EPRS1: variants seen among roughly 807,000 people sequenced by gnomAD.
EPRS1 encodes the protein bifunctional glutamate/proline--tRNA ligase.
Under a neutral mutation model 188.3 loss-of-function variants are expected in EPRS1, and 107 were observed. That is an observed-to-expected ratio of 0.57 (90% CI 0.49 to 0.67). The LOEUF (loss-of-function observed/expected upper bound fraction) is 0.67, where lower values mean the gene tolerates loss of function less well. EPRS1 is among the 30% of genes least tolerant of loss of function. EPRS1 has a pLI of 0.00. For synonymous variants in EPRS1, 596 were observed against 593.1 expected (o/e 1.00, Z -0.07); for missense variants, 1,577 against 1,802.2 (o/e 0.88, Z 2.26).
chr1:220,008,132 A>G (rs903863253), intron 13 of EPRS1, among the ~76,000 whole-genome samples: 1 of 126,078 alleles, frequency 7.9e-6, no homozygotes, highest in Non-Finnish European at 1.7e-5. Context: ...AAAAAAAAAA[A>G]AAAGATAAAA....
Position 219,984,348 on chromosome 1 carries a change from A to G in EPRS1, c.3039-91T>C, listed in dbSNP as rs188735552. 4.6e-6 allele frequency: 4 copies of G among 862,326 alleles called. No homozygotes were observed. The East Asian group carries it at 9.7e-5, about 21-fold the overall frequency. 53.4% of individuals were successfully genotyped at this position (862,326 alleles called of 1,614,324 possible). On this transcript the variant is annotated intron_variant, in intron 20 of 31. Coordinates refer to ENST00000366923, the MANE Select transcript of EPRS1 (RefSeq NM_004446.3). ...AAACCTCTAAAGTTCAAAATAGATT[A>G]GTCTTTCTTCAGTATGAGTTATTTC...
At chr1:220,010,217 C>G (rs548021847) in intron 13 of EPRS1, among the ~76,000 whole-genome samples, 6 of 151,852 alleles carry the variant, frequency 4.0e-5, no homozygotes, top group African/African-American at 1.4e-4. Context: ...AGTAGTAGGT[C>G]TAATGTTTTG....
intron 1 of EPRS1, among the ~76,000 whole-genome samples, chr1:220,040,845 C>T (rs1250747820): frequency 7.7e-5 from 9 of 116,818 alleles, no homozygotes; most frequent in Non-Finnish European, 1.7e-4. Flanking sequence ...AGCAAAACTG[C>T]GTCTTAAAAA....
Position 219,970,346 on chromosome 1 carries a change from T to C in EPRS1, c.4324-1224A>G, listed in dbSNP as rs777023452. Among the ~76,000 whole-genome samples, 9 of 152,176 alleles carry C rather than the reference T, an allele frequency of 5.9e-5. 1 individual carries two copies. Among genetic ancestry groups the C allele is most frequent in the Non-Finnish European group, 1.0e-4 (7 of 68,038 alleles). ...ATGAAGGTGGAGACCCAAGAGACAT[T>C]GGCAGTAACAGCAACATGCTTCCAG... On this transcript the variant is annotated intron_variant, in intron 30 of 31. Coordinates refer to ENST00000366923, the MANE Select transcript of EPRS1 (RefSeq NM_004446.3).
rs778389104 is a variant in EPRS1 at position 220,046,388 on chromosome 1, TCTCCACCAGTCCG to T, written c.-13_-1del. ...TTCACGGTCAGAGAGAGCGTCGCCA[TCTCCACCAGTCCG>T]CTGGTCCACCTGTCAGTACGCCTGG... On this transcript the variant is annotated 5_prime_UTR_variant, in exon 1 of 32. Coordinates refer to ENST00000366923, the MANE Select transcript of EPRS1 (RefSeq NM_004446.3). 60 of 1,613,820 alleles carry T rather than the reference TCTCCACCAGTCCG, an allele frequency of 3.7e-5. No individual in the cohort carries two copies. The highest frequency in any genetic ancestry group is 4.9e-5 in the Non-Finnish European group (58 of 1,179,980).
At chr1:219,978,887 C>T (rs1323978959) in intron 27 of EPRS1, among the ~76,000 whole-genome samples, 168 bp from the exon 28 acceptor site, 1 of 152,004 alleles carries the variant, frequency 6.6e-6, no homozygotes, top group Non-Finnish European at 1.5e-5. Flanking sequence ...CTTACCCGTG[C>T]TAAATGCATT....
Position 220,018,997 on chromosome 1 carries a change from G to A in EPRS1, c.1432C>T (p.Gln478Ter). 1 of 1,606,456 alleles carries A rather than the reference G, an allele frequency of 6.2e-7. No individual in the cohort carries two copies. The highest frequency in any genetic ancestry group is 8.5e-7 in the Non-Finnish European group (1 of 1,173,306). Residue 478 changes from glutamine (Q) to a stop codon, truncating the protein, a stop_gained and splice_region_variant, in exon 11 of 32, where the codon CAG becomes TAG. Transcript: ENST00000366923. LOFTEE classifies it high-confidence loss of function. ...VEGLKQFIAA[Q>*]GSSRSVVNME... ...CTGGAAAAGAAACTGTAACGCACCT[G>A]AGCAGCAATAAACTGTTTCAGTCCT...
At chr1:219,984,334 G>C in intron 20 of EPRS1, 77 bp from the exon 21 acceptor site, 1 of 963,940 alleles carries the variant, frequency 1.0e-6, no homozygotes. Flanking sequence ...AACCTCTAAA[G>C]TTCAAAATAG....
chr1:219,973,161 C>G lies in EPRS1; in HGVS notation c.4244+77G>C, dbSNP rs1660701644. 35 of 1,333,282 alleles carry G rather than the reference C, an allele frequency of 2.6e-5. No individual in the cohort carries two copies. In the East Asian group the frequency reaches 8.1e-4, roughly 31 times the overall value. 82.6% of individuals were successfully genotyped at this position (1,333,282 alleles called of 1,614,324 possible). A position where few individuals can be genotyped will look rare whatever the true frequency, so the allele number is the denominator to read the frequency against. Reference sequence around the variant, plus strand: ...ACAATTGCTTCCAATTGGGGCAACCCCAAAAATTCCTTGGTAAAGATCTCA... The same window carrying G: ...ACAATTGCTTCCAATTGGGGCAACCGCAAAAATTCCTTGGTAAAGATCTCA... On this transcript the variant is annotated intron_variant, in intron 29 of 31. Transcript: ENST00000366923.
At chr1:220,035,040 T>C (rs764616849) in intron 2 of EPRS1, 27 bp from the exon 3 acceptor site, 1 of 1,109,968 alleles carries the variant, frequency 9.0e-7, no homozygotes, top group Admixed American at 2.2e-5. Context: ...AGATAAAATA[T>C]TACTGCTGCT....
intron 6 of EPRS1, among the ~76,000 whole-genome samples, 188 bp from the exon 7 acceptor site, chr1:220,025,446 T>C (rs865986660): frequency 1.7e-4 from 25 of 151,306 alleles, no homozygotes; most frequent in Non-Finnish European, 8.8e-5. Context: ...AAAAAGACTA[T>C]ACCATATATA....
Position 219,968,641 on chromosome 1 carries a change from T to G in EPRS1, c.*165A>C, listed in dbSNP as rs1660608368. 3.3e-6 allele frequency: 2 copies of G among 604,980 alleles called. No individual in the cohort carries two copies. The highest frequency in any genetic ancestry group is 5.8e-6 in the Non-Finnish European group (2 of 345,518). The allele number at this position is 604,980 out of a possible 1,614,324, so 37.5% of individuals were successfully genotyped here. A position where few individuals can be genotyped will look rare whatever the true frequency, so the allele number is the denominator to read the frequency against. ...ATTACTGGAGTTGTTTACAGAAAAG[T>G]CTTTTATCCACTGTTAACTTAGGCA... On this transcript the variant is annotated 3_prime_UTR_variant, in exon 32 of 32. Transcript: ENST00000366923.
Position 220,032,531 on chromosome 1 carries a change from G to A in EPRS1, c.389-5C>T, listed in dbSNP as rs762675521. Reference sequence around the variant, plus strand: ...GTTCTTGCCAGGCAGCATTTCCTATGAGCAAAGATAATTTTAAACTATTCA... The same window carrying A: ...GTTCTTGCCAGGCAGCATTTCCTATAAGCAAAGATAATTTTAAACTATTCA... On this transcript the variant is annotated splice_region_variant and splice_polypyrimidine_tract_variant and intron_variant, in intron 4 of 31. Coordinates refer to ENST00000366923, the MANE Select transcript of EPRS1 (RefSeq NM_004446.3). The A allele has an allele frequency of 1.9e-6, 3 of 1,612,444 alleles. No individual in the cohort carries two copies. Among genetic ancestry groups the A allele is most frequent in the South Asian group, 2.2e-5 (2 of 90,696 alleles).
intron 16 of EPRS1, among the ~76,000 whole-genome samples, chr1:220,004,209 T>C (rs1335917620): frequency 6.6e-6 from 1 of 152,102 alleles, no homozygotes; most frequent in South Asian, 2.1e-4. Context: ...TTATTTATAA[T>C]TTTTTGTAGA....
In EPRS1 at chr1:219,983,306, C is replaced by T. The variant is rs2102565265; in HGVS notation, c.3183G>A (p.Lys1061=). The part of the protein sequence containing the change: ...PWAYAIWEAI[K]DFFDAEIKKL... ...TCTTGATCTCAGCATCAAAAAAGTC[C>T]TTGATGGCTTCCCAAATGGCATAGG... The change falls in exon 22 of 32, where the codon AAG becomes AAA. Residue 1061 remains lysine (K), a synonymous_variant. Transcript: ENST00000366923. 6.2e-7 allele frequency: 1 copy of T among 1,613,760 alleles called. No individual in the cohort carries two copies. The highest frequency in any genetic ancestry group is 8.5e-7 in the Non-Finnish European group (1 of 1,179,656).
chr1:219,992,285 G>A (rs557857890), intron 18 of EPRS1, among the ~76,000 whole-genome samples: 7 of 152,310 alleles, frequency 4.6e-5, no homozygotes, highest in African/African-American at 1.7e-4. Context: ...AATACAAGGT[G>A]CCGTGAATTA....
intron 27 of EPRS1, among the ~76,000 whole-genome samples, chr1:219,979,002 T>C (rs1427650884): frequency 5.3e-5 from 8 of 151,930 alleles, no homozygotes; most frequent in Non-Finnish European, 1.2e-4. Flanking sequence ...TAGCTGGGAC[T>C]ATCAGTGCAT....
intron 12 of EPRS1, among the ~76,000 whole-genome samples, chr1:220,012,441 G>A (rs777911186): frequency 6.6e-6 from 1 of 152,204 alleles, no homozygotes; most frequent in Non-Finnish European, 1.5e-5. Flanking sequence ...GGAGCAGGAT[G>A]TTTCCTATAC....
chr1:220,024,743 C>T (rs970258551), intron 7 of EPRS1, among the ~76,000 whole-genome samples: 2 of 152,204 alleles, frequency 1.3e-5, no homozygotes, highest in Admixed American at 1.3e-4. Flanking sequence ...CATTTGCCCT[C>T]TCTTTGAATA....
Sources: allele counts gnomAD v4.1 joint callset (sites outside exome capture counted in the v4.1 genomes callset), GRCh38; gene constraint gnomAD v4.1.1; transcripts MANE v1.5; gene names NCBI Gene and HGNC (gene_info 2026-07-23, HGNC 2026-07-21).